TMEM51: variants seen among roughly 807,000 people sequenced by gnomAD.
TMEM51 encodes the protein chromosome 1 open reading frame 72.
A neutral mutation model predicts 13.6 loss-of-function variants in TMEM51; 8 were observed. That is an observed-to-expected ratio of 0.59 (90% CI 0.35 to 1.07). The LOEUF (loss-of-function observed/expected upper bound fraction) is 1.07. TMEM51 is among the 50% of genes least tolerant of loss of function. TMEM51 has a pLI of 0.02. For synonymous variants in TMEM51, 147 were observed against 144.4 expected (o/e 1.02, Z -0.13); for missense variants, 279 against 330.7 (o/e 0.84, Z 1.21).
At chr1:15,176,064 C>T (rs1480677918) in intron 1 of TMEM51, among the ~76,000 whole-genome samples, 1 of 152,206 alleles carries the variant, frequency 6.6e-6, no homozygotes, top group East Asian at 1.9e-4. Flanking sequence ...GATAGGTTAT[C>T]CCTTTACTTG....
At chr1:15,192,197 C>A (rs1643936721) in intron 1 of TMEM51, 1 of 394,188 alleles carries the variant, frequency 2.5e-6, no homozygotes, top group Non-Finnish European at 5.1e-6. Flanking sequence ...TCTTCATTTT[C>A]AGGGGTTGTA....
chr1:15,195,524 C>T (rs1644029687), intron 1 of TMEM51, among the ~76,000 whole-genome samples: 1 of 151,998 alleles, frequency 6.6e-6, no homozygotes, highest in Non-Finnish European at 1.5e-5. Flanking sequence ...CCCATGAGTC[C>T]CCCACCCTCG....
At chr1:15,175,275 C>G (rs923591777) in intron 1 of TMEM51, among the ~76,000 whole-genome samples, 12 of 152,138 alleles carry the variant, frequency 7.9e-5, no homozygotes, top group Non-Finnish European at 1.8e-4. Flanking sequence ...TGGCGAGTGC[C>G]TGTAATCCCA....
rs1472653093 is a variant in TMEM51, at chr1:15,207,869, T to G, written c.-266-2621T>G. Among the ~76,000 whole-genome samples, 1 of 152,256 alleles carries G rather than the reference T, an allele frequency of 6.6e-6. No individual in the cohort carries two copies. Among genetic ancestry groups the G allele is most frequent in the African/African-American group, 2.4e-5 (1 of 41,466 alleles). The stretch of plus-strand genomic sequence containing the variant: ...TGCCGGCAAATTATTTGCATACGGA[T>G]ACAAGATTTGGGTATCTGGATCTTC... On this transcript the variant is annotated intron_variant, in intron 1 of 3. Transcript: ENST00000376008. The surrounding 1 kb of genome is among the most constrained non-coding windows in gnomAD (Gnocchi z 4.6).
At chr1:15,176,262 G>GA (rs2100216366) in intron 1 of TMEM51, among the ~76,000 whole-genome samples, 1 of 152,264 alleles carries the variant, frequency 6.6e-6, no homozygotes, top group South Asian at 2.1e-4. Context: ...AGGAGTCCCA[G>GA]AAAAATATAA....
intron 1 of TMEM51, among the ~76,000 whole-genome samples, chr1:15,174,246 T>G (rs1351328145): frequency 1.3e-5 from 2 of 152,066 alleles, no homozygotes; most frequent in African/African-American, 4.8e-5. Context: ...ATCCCATCAT[T>G]TTCCTTTTTC....
At chr1:15,191,997 TGTTCCTTCA>T (rs1643931577) in intron 1 of TMEM51, 5 of 532,070 alleles carry the variant, frequency 9.4e-6, no homozygotes, top group Non-Finnish European at 1.9e-5. Context: ...GGTCATCCGA[TGTTCCTTCA>T]GTTGTTGCGT....
At chr1:15,174,349 C>A (rs1330243126) in intron 1 of TMEM51, among the ~76,000 whole-genome samples, 1 of 152,154 alleles carries the variant, frequency 6.6e-6, no homozygotes, top group Non-Finnish European at 1.5e-5. Context: ...CTCAAGCAAA[C>A]CTCCCACCTC....
intron 2 of TMEM51, among the ~76,000 whole-genome samples, chr1:15,211,057 C>A (rs1018366008): frequency 6.6e-6 from 1 of 152,174 alleles, no homozygotes; most frequent in East Asian, 1.9e-4. Flanking sequence ...ATAGATATTT[C>A]TGTTTTCTAA....
intron 1 of TMEM51, among the ~76,000 whole-genome samples, chr1:15,203,260 T>C (rs1217178192): frequency 1.3e-5 from 2 of 152,140 alleles, no homozygotes; most frequent in East Asian, 3.9e-4. Context: ...CCGTTTTTTG[T>C]TTTTTGTTTT....
At chr1:15,175,653 G>A (rs903340082) in intron 1 of TMEM51, among the ~76,000 whole-genome samples, 4 of 152,246 alleles carry the variant, frequency 2.6e-5, no homozygotes, top group Admixed American at 2.6e-4. Flanking sequence ...TGTCATGGCA[G>A]AAGGTGAATG....
chr1:15,179,959 C>G (rs1279413841), intron 1 of TMEM51, among the ~76,000 whole-genome samples: 2 of 152,216 alleles, frequency 1.3e-5, no homozygotes, highest in African/African-American at 2.4e-5. Context: ...CTCAAAAGTG[C>G]ATCTAAGTGT....
At chr1:15,180,370 G>A (rs1029106993) in intron 1 of TMEM51, among the ~76,000 whole-genome samples, 1 of 152,224 alleles carries the variant, frequency 6.6e-6, no homozygotes, top group Non-Finnish European at 1.5e-5. Flanking sequence ...GCATCACAGG[G>A]CCCGCTGTGC....
intron 1 of TMEM51, among the ~76,000 whole-genome samples, chr1:15,188,966 C>G (rs1187204959): frequency 6.6e-6 from 1 of 152,174 alleles, no homozygotes; most frequent in African/African-American, 2.4e-5. Context: ...AGGGTCCACC[C>G]TTACTGGGCA....
At position 15,157,637 on chromosome 1, in the gene TMEM51, A is replaced by G. The variant is rs563497186; in HGVS notation, c.-267+3683A>G. Reference sequence around the variant, plus strand: ...CGTGGTGACATGGTCAGGAGGAGTAAGGGCCAAGGGTCCTGAAAGATGAGG... The same window carrying G: ...CGTGGTGACATGGTCAGGAGGAGTAGGGGCCAAGGGTCCTGAAAGATGAGG... On this transcript the variant is annotated intron_variant, in intron 1 of 3. Coordinates refer to ENST00000376008, the MANE Select transcript of TMEM51 (RefSeq NM_001136218.2). Among the ~76,000 whole-genome samples, 236 of 152,274 alleles carry G rather than the reference A, an allele frequency of 1.5e-3. 1 individual carries two copies. Among genetic ancestry groups the G allele is most frequent in the Middle Eastern group, 3.4e-3 (1 of 294 alleles).
rs566984545 is a variant in TMEM51 at position 15,161,542 on chromosome 1, G to A, written c.-267+7588G>A. On this transcript the variant is annotated intron_variant, in intron 1 of 3. Transcript: ENST00000376008. The surrounding 1 kb of genome is among the most constrained non-coding windows in gnomAD (Gnocchi z 4.0). The stretch of plus-strand genomic sequence containing the variant: ...TCATTTTTCTCAAAAAATTAAAATC[G>A]AATAACCATAGGATCCAGCAGTTTC... 1.3e-5 allele frequency among the ~76,000 whole-genome samples: 2 copies of A among 151,978 alleles called. No homozygotes were observed. The highest frequency in any genetic ancestry group is 4.8e-5 in the African/African-American group (2 of 41,354).
chr1:15,217,119 G>C (rs1644443927), intron 3 of TMEM51, among the ~76,000 whole-genome samples: 1 of 152,162 alleles, frequency 6.6e-6, no homozygotes, highest in African/African-American at 2.4e-5. Context: ...CTGTGGAGAA[G>C]TTTAGAGTTT....
At chr1:15,215,577 G>A (rs3820064) in intron 3 of TMEM51, 146 bp downstream of exon 3, 120,692 of 766,154 alleles carry the variant, frequency 0.16, 10,897 homozygotes, top group East Asian at 0.31. Context: ...CTGTCAAAAC[G>A]GTTTATCATT....
rs755658462 is a variant in TMEM51 at position 15,191,927 on chromosome 1, G to A, written c.-266-18563G>A. 170 of 530,862 alleles carry A rather than the reference G, an allele frequency of 3.2e-4. 1 individual carries two copies. Among genetic ancestry groups the A allele is most frequent in the Middle Eastern group, 6.2e-4 (1 of 1,612 alleles). The allele number at this position is 530,862 out of a possible 1,614,324, so 32.9% of individuals were successfully genotyped here. ...TGTTTGTTCTCCTTTTCCAGAAGTT[G>A]TAGGCGTCTATTTAGTTTGATTATG... On this transcript the variant is annotated intron_variant, in intron 1 of 3. Transcript: ENST00000376008.
Sources: gnomAD v4.1 joint callset for allele counts (sites outside exome capture counted in the v4.1 genomes callset) on GRCh38, gnomAD v4.1.1 for gene constraint, Gnocchi (gnomAD v3.1) non-coding constraint, MANE v1.5 for transcripts, NCBI Gene and HGNC (gene_info 2026-07-23, HGNC 2026-07-21) for gene names.